Variants in CUBN observed in about 807,000 individuals in gnomAD.
The protein encoded by CUBN is cubilin.
Under a neutral mutation model 405.3 loss-of-function variants are expected in CUBN, and 282 were observed. The observed-to-expected ratio is 0.70, with a 90% confidence interval of 0.63 to 0.77. CUBN has a LOEUF of 0.77. Ranked by LOEUF, CUBN falls within the 30% of genes least tolerant of loss-of-function variation. The pLI is 0.00. For synonymous variants in CUBN, 1,684 were observed against 1,617.0 expected, an observed-to-expected ratio of 1.04 and a Z score of -0.99; for missense variants, 4,514 against 4,475.2, an observed-to-expected ratio of 1.01 and a Z score of -0.25.
At chr10:17,083,516 AATACATAC>A (rs146497391) in intron 17 of CUBN, among the ~76,000 whole-genome samples, 8 of 142,626 alleles carry the variant, frequency 5.6e-5, no homozygotes, top group African/African-American at 1.3e-4. Context: ...AAAATAAATA[AATACATAC>A]ATACATACAT....
intron 27 of CUBN, among the ~76,000 whole-genome samples, chr10:17,021,021 T>C (rs1167248410): frequency 6.6e-6 from 1 of 152,236 alleles, no homozygotes; most frequent in East Asian, 1.9e-4. Flanking sequence ...TTGTCAATTA[T>C]GATGACGATC....
intron 31 of CUBN, among the ~76,000 whole-genome samples, chr10:16,973,905 G>C (rs1050628842): frequency 6.6e-6 from 1 of 152,146 alleles, no homozygotes; most frequent in Non-Finnish European, 1.5e-5. Context: ...TGGGCATCTA[G>C]GTTGATTCCA....
intron 4 of CUBN, among the ~76,000 whole-genome samples, chr10:17,125,100 G>C (rs1298951362): frequency 1.3e-5 from 2 of 152,018 alleles, no homozygotes; most frequent in East Asian, 3.9e-4. Context: ...CTAAAGTGCT[G>C]GGATTACAGG....
chr10:16,918,192 T>C (rs1432726585), intron 45 of CUBN, among the ~76,000 whole-genome samples: 1 of 152,234 alleles, frequency 6.6e-6, no homozygotes, highest in Non-Finnish European at 1.5e-5. Context: ...TTGGTTACTG[T>C]AGCCCTGTAG....
At chr10:17,042,220 G>A (rs1279780736) in intron 26 of CUBN, among the ~76,000 whole-genome samples, 5 of 152,108 alleles carry the variant, frequency 3.3e-5, no homozygotes, top group Non-Finnish European at 7.4e-5. Context: ...AAAATCTTTA[G>A]GTCACAGTTT....
chr10:16,952,950 C>A (rs1842957844), intron 32 of CUBN, among the ~76,000 whole-genome samples: 1 of 152,150 alleles, frequency 6.6e-6, no homozygotes, highest in African/African-American at 2.4e-5. Context: ...ACTGCCTGAG[C>A]AGACACAGAG....
chr10:17,091,099 G>A (rs1426725269), intron 14 of CUBN, among the ~76,000 whole-genome samples: 1 of 152,126 alleles, frequency 6.6e-6, no homozygotes, highest in Admixed American at 6.5e-5. Context: ...TGTGCAGGAA[G>A]AGCCTAGAAC....
At chr10:17,096,486 A>C (rs188328132) in intron 14 of CUBN, among the ~76,000 whole-genome samples, 524 of 152,238 alleles carry the variant, frequency 3.4e-3, no homozygotes, top group Non-Finnish European at 5.9e-3. Flanking sequence ...AAAGAAGATA[A>C]AAATAATGTA....
intron 41 of CUBN, among the ~76,000 whole-genome samples, chr10:16,926,751 T>A (rs561484421): frequency 6.6e-6 from 1 of 151,648 alleles, no homozygotes; most frequent in African/African-American, 2.4e-5. Context: ...AATTGGGGGG[T>A]GGTGGCATGG....
At chr10:16,904,166 TA>T (rs756338050) in intron 50 of CUBN, 51 bp from the exon 51 acceptor site, 12 of 1,549,962 alleles carry the variant, frequency 7.7e-6, no homozygotes, top group Non-Finnish European at 1.1e-5. Context: ...TTTTGAGAAA[TA>T]CATTCAATGA....
intron 27 of CUBN, among the ~76,000 whole-genome samples, chr10:17,024,910 T>G (rs796198408): frequency 5.3e-5 from 8 of 152,318 alleles, no homozygotes; most frequent in African/African-American, 1.9e-4. Context: ...TTCTTTTATT[T>G]CCTGGAAGGT....
intron 28 of CUBN, among the ~76,000 whole-genome samples, chr10:17,001,461 T>C (rs1189759492): frequency 1.3e-5 from 2 of 152,240 alleles, no homozygotes; most frequent in African/African-American, 4.8e-5. Context: ...AGAGTGCTGA[T>C]TGGTGCATTT....
At chr10:17,038,408 T>C (rs747802389) in intron 27 of CUBN, among the ~76,000 whole-genome samples, 3 of 152,202 alleles carry the variant, frequency 2.0e-5, no homozygotes, top group Non-Finnish European at 4.4e-5. Flanking sequence ...TCCCACTGTA[T>C]ATTTTATTTC....
At chr10:16,870,792 T>C (rs775597449) in intron 58 of CUBN, among the ~76,000 whole-genome samples, 4 of 152,224 alleles carry the variant, frequency 2.6e-5, no homozygotes, top group Non-Finnish European at 4.4e-5. Context: ...TTTGTTACTA[T>C]GTGCATAACC....
intron 22 of CUBN, 24 bp downstream of exon 22, chr10:17,065,484 G>A (rs377158046): frequency 6.8e-6 from 11 of 1,611,892 alleles, no homozygotes; most frequent in East Asian, 6.7e-5. Context: ...CAATAAAACC[G>A]AGTATGCAAT....
intron 17 of CUBN, among the ~76,000 whole-genome samples, chr10:17,078,444 A>T (rs1306458217): frequency 6.6e-6 from 1 of 152,192 alleles, no homozygotes; most frequent in Non-Finnish European, 1.5e-5. Flanking sequence ...AGAATGAGCT[A>T]GCCATACAAA....
chr10:17,050,629 A>G (rs992905500), intron 22 of CUBN, among the ~76,000 whole-genome samples: 2 of 152,346 alleles, frequency 1.3e-5, no homozygotes, highest in East Asian at 1.9e-4. Flanking sequence ...GGAAGCGGAA[A>G]CAAGATCATT....
At chr10:16,885,767 C>G (rs1202862006) in intron 56 of CUBN, among the ~76,000 whole-genome samples, 2 of 152,164 alleles carry the variant, frequency 1.3e-5, no homozygotes, top group African/African-American at 4.8e-5. Flanking sequence ...AGTCTCCTTT[C>G]TTAGTCTGAG....
intron 28 of CUBN, among the ~76,000 whole-genome samples, chr10:17,000,265 C>G (rs1000077750): frequency 1.3e-5 from 2 of 152,190 alleles, no homozygotes; most frequent in Admixed American, 6.5e-5. Flanking sequence ...GGCAACTGAC[C>G]AGATGATCTC....
Sources: gnomAD v4.1 joint callset for allele counts (sites outside exome capture counted in the v4.1 genomes callset) on GRCh38, gnomAD v4.1.1 for gene constraint, MANE v1.5 for transcripts, NCBI Gene and HGNC (gene_info 2026-07-23, HGNC 2026-07-21) for gene names.